The following SSH2 variants were observed in gnomAD, a reference collection of about 807,000 sequenced individuals.
The protein encoded by SSH2 is protein phosphatase Slingshot homolog 2.
In SSH2, 37 loss-of-function variants were observed where a neutral mutation model predicts 135.2. The ratio of observed to expected loss-of-function variants is 0.27; its 90% CI spans 0.21 to 0.36. The LOEUF (loss-of-function observed/expected upper bound fraction) is 0.36, where lower values mean the gene tolerates loss of function less well. Ranked by LOEUF, SSH2 falls within the 10% of genes least tolerant of loss-of-function variation. The pLI is 1.00. For missense variants in SSH2, 1,408 were observed against 1,765.3 expected (o/e 0.80, Z 3.63); for synonymous variants, 628 against 646.2 (o/e 0.97, Z 0.43).
At chr17:29,906,893 A>G (rs1243526502) in intron 1 of SSH2, among the ~76,000 whole-genome samples, 2 of 152,232 alleles carry the variant, frequency 1.3e-5, no homozygotes, top group African/African-American at 4.8e-5. Flanking sequence ...GAGAAAAAGG[A>G]ACATTTTTAC....
chr17:29,653,921 A>C (rs1191605238), intron 12 of SSH2, among the ~76,000 whole-genome samples: 2 of 152,170 alleles, frequency 1.3e-5, no homozygotes, highest in African/African-American at 4.8e-5. Context: ...TGATGACTTG[A>C]GAAGCTTGTA....
At chr17:29,734,235 G>C (rs2040294755) in intron 3 of SSH2, among the ~76,000 whole-genome samples, 1 of 152,092 alleles carries the variant, frequency 6.6e-6, no homozygotes, top group African/African-American at 2.4e-5. Context: ...TTCTAAGTGA[G>C]AGAAAATGGT....
chr17:29,643,193 C>T, intron 14 of SSH2: 26 of 985,300 alleles, frequency 2.6e-5, no homozygotes, highest in South Asian at 4.7e-5. Flanking sequence ...TGGAGTGGTA[C>T]TTTGGTGCTG....
In SSH2 at chr17:29,682,768, C is replaced by T. The variant is rs186781649; in HGVS notation, c.479+1795G>A. Among the ~76,000 whole-genome samples, 570 of 152,240 alleles carry T rather than the reference C, an allele frequency of 3.7e-3. 5 individuals carry two copies. Among genetic ancestry groups the T allele is most frequent in the Non-Finnish European group, 4.2e-3 (289 of 68,014 alleles). The stretch of plus-strand genomic sequence containing the variant: ...AAGATTAAAAACCTAAATTAGAGGT[C>T]CTAAAATCCTAATGAATGTAAACAA... On this transcript the variant is annotated intron_variant, in intron 6 of 15. Coordinates refer to ENST00000540801, the MANE Select transcript of SSH2 (RefSeq NM_001282129.2).
chr17:29,728,855 G>A (rs2040087799), intron 3 of SSH2, among the ~76,000 whole-genome samples: 1 of 152,198 alleles, frequency 6.6e-6, no homozygotes, highest in African/African-American at 2.4e-5. Context: ...ATGCAGAAGA[G>A]TGAAACTAGC....
chr17:29,798,041 C>T (rs532589955), intron 2 of SSH2, among the ~76,000 whole-genome samples: 19 of 152,082 alleles, frequency 1.2e-4, no homozygotes, highest in South Asian at 4.2e-4. Context: ...GCATTTACAC[C>T]GCTTTATACC....
chr17:29,655,195 C>T (rs1285606034), intron 12 of SSH2, among the ~76,000 whole-genome samples: 1 of 152,018 alleles, frequency 6.6e-6, no homozygotes, highest in Non-Finnish European at 1.5e-5. Flanking sequence ...GCTCCGCCTC[C>T]CAGGTTCACG....
chr17:29,678,673 G>A (rs1444474229), intron 6 of SSH2, among the ~76,000 whole-genome samples: 1 of 147,738 alleles, frequency 6.8e-6, no homozygotes, highest in East Asian at 2.0e-4. Context: ...CAACAACCAA[G>A]AAAAGGGTAG....
Position 29,626,904 on chromosome 17 carries a change from A to G in SSH2, c.*3937T>C, listed in dbSNP as rs1054690712. ...TAAAATTTCATCTTATCCACCATCAAAAAGCAAAACAAAATTAAACAAAAT... is the reference window on the plus strand; with the variant it reads ...TAAAATTTCATCTTATCCACCATCAGAAAGCAAAACAAAATTAAACAAAAT... On this transcript the variant is annotated 3_prime_UTR_variant, in exon 16 of 16. Coordinates refer to ENST00000540801, the MANE Select transcript of SSH2 (RefSeq NM_001282129.2). The G allele has an allele frequency of 6.6e-6, 1 of 152,454 alleles. No individual in the cohort carries two copies. The highest frequency in any genetic ancestry group is 1.5e-5 in the Non-Finnish European group (1 of 68,040). The allele number at this position is 152,454 out of a possible 1,614,324, so 9.4% of individuals were successfully genotyped here. A position where few individuals can be genotyped will look rare whatever the true frequency, so the allele number is the denominator to read the frequency against.
chr17:29,650,169 G>A (rs1461006873), intron 13 of SSH2, among the ~76,000 whole-genome samples: 5 of 152,156 alleles, frequency 3.3e-5, no homozygotes, highest in Non-Finnish European at 7.3e-5. Flanking sequence ...CTAATTTAAG[G>A]AAGACATCAA....
chr17:29,690,933 C>G (rs1046713608), intron 5 of SSH2, among the ~76,000 whole-genome samples: 3 of 151,518 alleles, frequency 2.0e-5, no homozygotes, highest in African/African-American at 7.3e-5. Flanking sequence ...CACACACACA[C>G]AGACACACAC....
intron 2 of SSH2, among the ~76,000 whole-genome samples, chr17:29,805,079 C>A (rs2151318534): frequency 6.6e-6 from 1 of 151,548 alleles, no homozygotes; most frequent in East Asian, 1.9e-4. Flanking sequence ...CACTGGTTAC[C>A]TCTGGGTCCC....
intron 12 of SSH2, among the ~76,000 whole-genome samples, chr17:29,652,324 C>T (rs1039786505): frequency 6.6e-6 from 1 of 152,020 alleles, no homozygotes; most frequent in African/African-American, 2.4e-5. Context: ...TTCAAAACAG[C>T]CGAAGAGTGG....
At chr17:29,767,241 A>T (rs865981649) in intron 3 of SSH2, among the ~76,000 whole-genome samples, 8 of 152,204 alleles carry the variant, frequency 5.3e-5, no homozygotes, top group Admixed American at 5.2e-4. Flanking sequence ...TGCTTTCTTC[A>T]GGTTACAAAA....
intron 3 of SSH2, among the ~76,000 whole-genome samples, chr17:29,778,564 C>T (rs754830638): frequency 7.9e-5 from 12 of 151,892 alleles, no homozygotes; most frequent in Non-Finnish European, 1.5e-4. Context: ...TGCTGGAATC[C>T]AGGAGGCGGA....
chr17:29,898,528 A>G (rs890208376), intron 1 of SSH2, among the ~76,000 whole-genome samples: 3 of 152,236 alleles, frequency 2.0e-5, no homozygotes, highest in Non-Finnish European at 4.4e-5. Context: ...TTGAAAATCT[A>G]GAAGAAATGG....
At chr17:29,864,139 A>G (rs1358848219) in intron 1 of SSH2, 8 of 152,246 alleles carry the variant, frequency 5.3e-5, no homozygotes, top group Non-Finnish European at 1.0e-4. Flanking sequence ...CCCCATCTCT[A>G]TTAAAAATAC....
chr17:29,922,471 G>A (rs1597515163), intron 1 of SSH2, among the ~76,000 whole-genome samples: 1 of 152,146 alleles, frequency 6.6e-6, no homozygotes, highest in African/African-American at 2.4e-5. Context: ...TAATTGGATT[G>A]TATACTTATT....
chr17:29,913,347 A>AAAATTATATAT lies in SSH2; in HGVS notation c.63+16590_63+16591insATATATAATTT. On this transcript the variant is annotated intron_variant, in intron 1 of 15. Coordinates refer to ENST00000540801, the MANE Select transcript of SSH2 (RefSeq NM_001282129.2). ...AAAAAAAAAAAAAAAAAAAAAAAAA[A>AAAATTATATAT]ATATATATATATATATATATATATA... is the stretch of plus-strand genomic sequence containing the variant. 7.3e-4 allele frequency among the ~76,000 whole-genome samples: 21 copies of AAAATTATATAT among 28,788 alleles called. 6 individuals carry two copies. In the East Asian group the frequency reaches 0.033, roughly 45 times the overall value. 18.9% of individuals were successfully genotyped at this position (28,788 alleles called of 152,430 possible).
Sources: gnomAD v4.1 joint callset for allele counts (sites outside exome capture counted in the v4.1 genomes callset) on GRCh38, gnomAD v4.1.1 for gene constraint, MANE v1.5 for transcripts, NCBI Gene and HGNC (gene_info 2026-07-23, HGNC 2026-07-21) for gene names.